RBFOX1: variants seen among roughly 807,000 people sequenced by gnomAD.
RBFOX1 encodes RNA binding protein fox-1 homolog 1.
A neutral mutation model predicts 57.7 loss-of-function variants in RBFOX1; 8 were observed. The ratio of observed to expected loss-of-function variants is 0.14; its 90% CI spans 0.08 to 0.25. RBFOX1 has a LOEUF of 0.25. RBFOX1 is among the 10% of genes least tolerant of loss of function. The pLI is 1.00. For synonymous variants in RBFOX1, 326 were observed against 222.4 expected (o/e 1.47, Z -4.15); for missense variants, 611 against 548.5 (o/e 1.11, Z -1.14).
intron 1 of RBFOX1, among the ~76,000 whole-genome samples, chr16:5,447,377 A>AGTCTCTCTCTCT (rs1491576897): frequency 2.0e-4 from 7 of 34,580 alleles, no homozygotes; most frequent in African/African-American, 9.3e-4. Flanking sequence ...TCAATCAATC[A>AGTCTCTCTCTCT]ATCTCTCTCT....
At chr16:6,553,736 A>C (rs1352584716) in intron 2 of RBFOX1, among the ~76,000 whole-genome samples, 2 of 152,182 alleles carry the variant, frequency 1.3e-5, no homozygotes, top group African/African-American at 2.4e-5. Flanking sequence ...AGAGAAGGAC[A>C]GCAAAAGGTG....
chr16:5,953,777 C>T (rs2059568919), intron 4 of RBFOX1, among the ~76,000 whole-genome samples: 1 of 151,664 alleles, frequency 6.6e-6, no homozygotes, highest in East Asian at 1.9e-4. Flanking sequence ...GAGTTGGTTT[C>T]ACATTTTTGC....
intron 4 of RBFOX1, among the ~76,000 whole-genome samples, chr16:7,298,783 A>G (rs761869452): frequency 2.6e-5 from 4 of 152,236 alleles, no homozygotes; most frequent in Non-Finnish European, 5.9e-5. Context: ...CTATTGATCA[A>G]GTAGAAGTGA....
At chr16:5,325,239 C>A (rs1355067248) in intron 1 of RBFOX1, among the ~76,000 whole-genome samples, 1 of 151,920 alleles carries the variant, frequency 6.6e-6, no homozygotes, top group Non-Finnish European at 1.5e-5. Context: ...CCCTGTTTGT[C>A]ACCTCTTTTT....
intron 4 of RBFOX1, among the ~76,000 whole-genome samples, chr16:5,903,544 AAGG>A (rs1469973766): frequency 1.3e-5 from 2 of 152,176 alleles, no homozygotes; most frequent in Non-Finnish European, 2.9e-5. Flanking sequence ...AGTGGATAGA[AAGG>A]AGACAGGCAG....
At chr16:6,535,257 G>T (rs889807077) in intron 2 of RBFOX1, among the ~76,000 whole-genome samples, 1 of 152,174 alleles carries the variant, frequency 6.6e-6, no homozygotes, top group African/African-American at 2.4e-5. Flanking sequence ...TCCAGCCAGA[G>T]CTCTGTCTAA....
chr16:6,702,551 C>G (rs1249627829), intron 3 of RBFOX1, among the ~76,000 whole-genome samples: 1 of 15,674 alleles, frequency 6.4e-5, no homozygotes, highest in East Asian at 2.9e-3. Context: ...GAGAGTCCAT[C>G]TCAAAAAAAA....
intron 4 of RBFOX1, among the ~76,000 whole-genome samples, chr16:7,447,488 G>A (rs868367354): frequency 6.7e-6 from 1 of 150,344 alleles, no homozygotes; most frequent in Non-Finnish European, 1.5e-5. Context: ...CTAGTGCAGA[G>A]TTGCAGAGTT....
At chr16:5,990,186 CTT>C (rs1055462698) in intron 4 of RBFOX1, among the ~76,000 whole-genome samples, 1 of 152,118 alleles carries the variant, frequency 6.6e-6, no homozygotes, top group Non-Finnish European at 1.5e-5. Flanking sequence ...TAGGGTCTCA[CTT>C]TGTGGCTCAG....
At chr16:7,254,200 A>T (rs2094589501) in intron 4 of RBFOX1, among the ~76,000 whole-genome samples, 1 of 152,316 alleles carries the variant, frequency 6.6e-6, no homozygotes, top group Non-Finnish European at 1.5e-5. Flanking sequence ...GAAATCACAC[A>T]GTTCATTGTT....
chr16:6,525,713 T>A (rs975850183), intron 2 of RBFOX1, among the ~76,000 whole-genome samples: 1 of 151,998 alleles, frequency 6.6e-6, no homozygotes, highest in Non-Finnish European at 1.5e-5. Context: ...ACACTGTGCT[T>A]TTAGGTGGTG....
At chr16:7,050,564 C>A (rs545558329) in intron 3 of RBFOX1, among the ~76,000 whole-genome samples, 42 of 152,110 alleles carry the variant, frequency 2.8e-4, no homozygotes, top group Middle Eastern at 6.8e-3. Flanking sequence ...CCGTGCCTGG[C>A]CTTCCTTCAT....
intron 3 of RBFOX1, among the ~76,000 whole-genome samples, chr16:6,735,529 C>A (rs1568401623): frequency 6.6e-6 from 1 of 152,212 alleles, no homozygotes; most frequent in East Asian, 1.9e-4. Flanking sequence ...GTGGCAGCTA[C>A]TGTTGTGTCT....
intron 4 of RBFOX1, among the ~76,000 whole-genome samples, chr16:7,163,590 T>C (rs561463737): frequency 6.6e-6 from 1 of 152,250 alleles, no homozygotes; most frequent in Non-Finnish European, 1.5e-5. Context: ...CATCTCAGTT[T>C]CTACAGAGCA....
chr16:7,548,440 G>A (rs1228854738), intron 5 of RBFOX1, among the ~76,000 whole-genome samples: 1 of 152,212 alleles, frequency 6.6e-6, no homozygotes, highest in South Asian at 2.1e-4. Context: ...ACAGGTATGA[G>A]CCACTGCGCC....
At chr16:6,231,216 TTGTG>T (rs530803836) in intron 1 of RBFOX1, among the ~76,000 whole-genome samples, 78 of 145,038 alleles carry the variant, frequency 5.4e-4, no homozygotes, top group African/African-American at 1.3e-3. Context: ...GTGTATGTGT[TTGTG>T]TGTGTGTGTG....
chr16:7,096,931 C>CAAAAAAAA (rs59519427), intron 4 of RBFOX1, among the ~76,000 whole-genome samples: 2 of 69,112 alleles, frequency 2.9e-5, no homozygotes, highest in Non-Finnish European at 2.6e-5. Context: ...GACTCCATCT[C>CAAAAAAAA]AAAAAAAAAA....
chr16:6,478,910 G>A (rs1481333417), intron 2 of RBFOX1, among the ~76,000 whole-genome samples: 1 of 152,086 alleles, frequency 6.6e-6, no homozygotes, highest in Non-Finnish European at 1.5e-5. Context: ...GAAAAGGTTT[G>A]ATATATTGTG....
chr16:7,189,673 C>T (rs911499659), intron 4 of RBFOX1, among the ~76,000 whole-genome samples: 8 of 151,924 alleles, frequency 5.3e-5, no homozygotes, highest in Non-Finnish European at 1.0e-4. Context: ...AACTAGCCTA[C>T]CACTGGGAAA....
Sources: gnomAD v4.1 joint callset for allele counts (sites outside exome capture counted in the v4.1 genomes callset) on GRCh38, gnomAD v4.1.1 for gene constraint, MANE v1.5 for transcripts, NCBI Gene and HGNC (gene_info 2026-07-23, HGNC 2026-07-21) for gene names.